The following ATP2B1 variants were observed in gnomAD, a reference collection of about 807,000 sequenced individuals.
The protein encoded by ATP2B1 is ATPase plasma membrane Ca2+ transporting 1, also known as plasma membrane calcium-transporting ATPase 1.
Under a neutral mutation model 124.2 loss-of-function variants are expected in ATP2B1, and 14 were observed. The observed-to-expected ratio is 0.11, with a 90% CI of 0.07 to 0.18. The LOEUF is 0.18. ATP2B1 is among the 10% of genes least tolerant of loss of function. The probability of loss-of-function intolerance (pLI) is 1.00; values close to 1 mark genes in which losing one functional copy is unlikely to be tolerated. For missense variants in ATP2B1, 763 were observed against 1,466.1 expected (o/e 0.52, Z 7.83); for synonymous variants, 449 against 492.4 (o/e 0.91, Z 1.17).
rs1880491841 is a variant in ATP2B1, at chr12:89,624,408, AGAAAT to A, written c.1130-16_1130-12del. The stretch of plus-strand genomic sequence containing the variant: ...CAGACATCAACAGACCTTTCAGAAT[AGAAAT>A]GAAAGAAAAATGTGATTATTAAATT... On this transcript the variant is annotated splice_polypyrimidine_tract_variant and intron_variant, in intron 8 of 20. Transcript: ENST00000428670. 3 of 1,591,202 alleles carry A rather than the reference AGAAAT, an allele frequency of 1.9e-6. No homozygotes were observed. The highest frequency in any genetic ancestry group is 8.6e-7 in the Non-Finnish European group (1 of 1,164,190).
Position 89,677,971 on chromosome 12 carries a change from TACACACAC to T in ATP2B1, c.-221-21872_-221-21865del, listed in dbSNP as rs869199593. Reference sequence around the variant, plus strand: ...TGCAGGAATTATATATATATATATATACACACACACACACACACACACACACACACACA... The same window carrying T: ...TGCAGGAATTATATATATATATATATACACACACACACACACACACACACA... On this transcript the variant is annotated intron_variant, in intron 1 of 20. Coordinates refer to ENST00000428670, the MANE Select transcript of ATP2B1 (RefSeq NM_001366521.1). Among the ~76,000 whole-genome samples, 61 of 52,310 alleles carry T rather than the reference TACACACAC, an allele frequency of 1.2e-3. 1 individual carries two copies. Among genetic ancestry groups the T allele is most frequent in the Non-Finnish European group, 1.7e-3 (42 of 25,120 alleles). 34.3% of individuals were successfully genotyped at this position (52,310 alleles called of 152,430 possible).
intron 1 of ATP2B1, among the ~76,000 whole-genome samples, chr12:89,701,837 A>C (rs1891890034): frequency 6.6e-6 from 1 of 152,192 alleles, no homozygotes; most frequent in Non-Finnish European, 1.5e-5. Context: ...CATCAAGCAC[A>C]GCATCTGGCC....
At chr12:89,705,498 A>C (rs1414298674) in intron 1 of ATP2B1, among the ~76,000 whole-genome samples, 1 of 152,160 alleles carries the variant, frequency 6.6e-6, no homozygotes, top group Non-Finnish European at 1.5e-5. Flanking sequence ...AGGGAAAAAA[A>C]CCAAATATTA....
intron 2 of ATP2B1, among the ~76,000 whole-genome samples, chr12:89,651,647 A>G (rs1017365722): frequency 1.3e-5 from 2 of 152,074 alleles, no homozygotes; most frequent in Non-Finnish European, 2.9e-5. Context: ...AATTCCAAAA[A>G]TTTTTTCCCC....
chr12:89,636,630 C>A (rs1882754446), intron 3 of ATP2B1, among the ~76,000 whole-genome samples: 1 of 152,024 alleles, frequency 6.6e-6, no homozygotes, highest in African/African-American at 2.4e-5. Context: ...TGAGTACAGA[C>A]TGAAGAAAAA....
intron 1 of ATP2B1, among the ~76,000 whole-genome samples, chr12:89,657,835 T>G (rs895417911): frequency 6.6e-6 from 1 of 152,104 alleles, no homozygotes; most frequent in African/African-American, 2.4e-5. Context: ...TATGAGTGAG[T>G]TGAGGATGGC....
intron 15 of ATP2B1, among the ~76,000 whole-genome samples, chr12:89,607,414 G>T (rs1337559090): frequency 6.6e-6 from 1 of 152,088 alleles, no homozygotes; most frequent in East Asian, 1.9e-4. Context: ...CAGAGTCAAG[G>T]ACTTCTGCCT....
chr12:89,680,402 C>T (rs1248614574), intron 1 of ATP2B1, among the ~76,000 whole-genome samples: 1 of 151,988 alleles, frequency 6.6e-6, no homozygotes, highest in Non-Finnish European at 1.5e-5. Flanking sequence ...ACAATGACAC[C>T]TGATCATTCT....
At chr12:89,605,079 A>G (rs1421542314) in intron 15 of ATP2B1, among the ~76,000 whole-genome samples, 1 of 152,152 alleles carries the variant, frequency 6.6e-6, no homozygotes, top group African/African-American at 2.4e-5. Flanking sequence ...TGACAAACAT[A>G]ATGCTGAATA....
At position 89,611,295 on chromosome 12, in the gene ATP2B1, A is replaced by C; in HGVS notation, c.2145T>G (p.Ala715=). The C allele has an allele frequency of 6.2e-7, 1 of 1,611,494 alleles. No homozygotes were observed. The highest frequency in any genetic ancestry group is 1.1e-5 in the South Asian group (1 of 90,640). ...TACCACATTTGGTAGCAATGGCCCG[A>C]GCAGTATTAATATTATCACCAGTGA... is the stretch of plus-strand genomic sequence containing the variant. ...RMVTGDNINT[A]RAIATKCGIL... is the part of the protein sequence containing the mutation. The change falls in exon 13 of 21, where the codon GCT becomes GCG. Residue 715 remains alanine (A), a synonymous_variant. Transcript: ENST00000428670.
chr12:89,663,792 C>T lies in ATP2B1; in HGVS notation c.-221-7685G>A, dbSNP rs534071315. On this transcript the variant is annotated intron_variant, in intron 1 of 20. Transcript: ENST00000428670. ...CAACCTTTGCTACTGTTAACCACTC[C>T]CTATTGAAATGTTCTTCTGCCTTCA... Among the ~76,000 whole-genome samples the T allele has an allele frequency of 3.3e-5, 5 of 152,268 alleles. No homozygotes were observed. In the South Asian group the frequency reaches 1.0e-3, roughly 32 times the overall value.
Position 89,617,112 on chromosome 12 carries a change from C to T in ATP2B1, c.1830-73G>A, listed in dbSNP as rs181168417. ...GGTTAATGCCATTTAAGTGAACTGG[C>T]AGGCCTAGAAATCATGGGATCTGAT... On this transcript the variant is annotated intron_variant, in intron 11 of 20. Transcript: ENST00000428670. The T allele has an allele frequency of 1.9e-4, 214 of 1,156,082 alleles. 1 individual carries two copies. The African/African-American group carries it at 3.0e-3, about 16-fold the overall frequency. 71.6% of individuals were successfully genotyped at this position (1,156,082 alleles called of 1,614,324 possible). A position where few individuals can be genotyped will look rare whatever the true frequency, so the allele number is the denominator to read the frequency against.
intron 19 of ATP2B1, among the ~76,000 whole-genome samples, chr12:89,599,674 G>A (rs758468096): frequency 5.3e-5 from 8 of 151,368 alleles, no homozygotes; most frequent in Middle Eastern, 3.2e-3. Flanking sequence ...TGCAAAACAC[G>A]TTTACATTTC....
chr12:89,593,687 CA>C (rs2135859462), intron 20 of ATP2B1: 1 of 152,130 alleles, frequency 6.6e-6, no homozygotes, highest in Non-Finnish European at 1.5e-5. Context: ...AGTATATGTG[CA>C]CACACAATCA....
At position 89,624,965 on chromosome 12, in the gene ATP2B1, A is replaced by G. The variant is rs1482512100; in HGVS notation, c.1130-568T>C. Among the ~76,000 whole-genome samples, 5 of 152,310 alleles carry G rather than the reference A, an allele frequency of 3.3e-5. No individual in the cohort carries two copies. In the East Asian group the frequency reaches 7.7e-4, roughly 24 times the overall value. On this transcript the variant is annotated intron_variant, in intron 8 of 20. Transcript: ENST00000428670. ...CTTGTGGGATACTCTGCTCTTTGAC[A>G]TATGTATTAAAAAATAGGGCAGCTG...
chr12:89,644,995 GCA>G lies in ATP2B1; in HGVS notation c.209-2642_209-2641del, dbSNP rs565959124. ...CTCTAAACTACTAACACACACAAAA[GCA>G]CACACCTAGGACACTATACCAATAA... is the stretch of plus-strand genomic sequence containing the variant. On this transcript the variant is annotated intron_variant, in intron 2 of 20. Coordinates refer to ENST00000428670, the MANE Select transcript of ATP2B1 (RefSeq NM_001366521.1). Among the ~76,000 whole-genome samples the G allele has an allele frequency of 1.2e-3, 188 of 152,218 alleles. 1 individual carries two copies. Among genetic ancestry groups the G allele is most frequent in the African/African-American group, 4.4e-3 (181 of 41,542 alleles).
chr12:89,687,402 T>C (rs1046403184), intron 1 of ATP2B1, among the ~76,000 whole-genome samples: 1 of 152,148 alleles, frequency 6.6e-6, no homozygotes, highest in Admixed American at 6.6e-5. Context: ...TGTAGTACAC[T>C]GTGTGAATTT....
intron 1 of ATP2B1, among the ~76,000 whole-genome samples, chr12:89,667,082 A>G (rs1887394003): frequency 1.3e-5 from 2 of 152,134 alleles, no homozygotes; most frequent in Admixed American, 1.3e-4. Flanking sequence ...CCACTTTTTA[A>G]AAAGATCTAT....
chr12:89,610,524 A>G lies in ATP2B1; in HGVS notation c.2248-16T>C. On this transcript the variant is annotated splice_polypyrimidine_tract_variant and intron_variant, in intron 13 of 20. Transcript: ENST00000428670. ...CTTGCTCAATCTATAAGTGTTTATCAAAGTTAAAATATGCCCAAACATAGT... is the reference window on the plus strand; with the variant it reads ...CTTGCTCAATCTATAAGTGTTTATCGAAGTTAAAATATGCCCAAACATAGT... 6.2e-7 allele frequency: 1 copy of G among 1,602,362 alleles called. No individual in the cohort carries two copies. The highest frequency in any genetic ancestry group is 8.5e-7 in the Non-Finnish European group (1 of 1,170,158).
Sources: allele counts gnomAD v4.1 joint callset (sites outside exome capture counted in the v4.1 genomes callset), GRCh38; gene constraint gnomAD v4.1.1; transcripts MANE v1.5; gene names NCBI Gene and HGNC (gene_info 2026-07-23, HGNC 2026-07-21).